The following CDK19 variants were observed in gnomAD, a reference collection of about 807,000 sequenced individuals.
CDK19 encodes cyclin dependent kinase 19, also known as cyclin-dependent kinase 19.
CDK19 carries 20 observed loss-of-function variants against 68.3 expected under a neutral mutation model. The ratio of observed to expected loss-of-function variants is 0.29; its 90% CI spans 0.21 to 0.43. The LOEUF (loss-of-function observed/expected upper bound fraction) is 0.43. Ranked by LOEUF, CDK19 falls within the 20% of genes least tolerant of loss-of-function variation. The probability of loss-of-function intolerance (pLI) is 1.00; values close to 1 mark genes in which losing one functional copy is unlikely to be tolerated. For synonymous variants in CDK19, 221 were observed against 222.8 expected (o/e 0.99, Z 0.07); for missense variants, 339 against 623.5 (o/e 0.54, Z 4.86).
At chr6:110,750,120 C>T (rs1778374956) in intron 1 of CDK19, among the ~76,000 whole-genome samples, 1 of 145,262 alleles carries the variant, frequency 6.9e-6, no homozygotes, top group South Asian at 2.4e-4. Context: ...TAAATGAAGA[C>T]CTGGAAACCT....
At chr6:110,730,644 T>C (rs1239058194) in intron 2 of CDK19, among the ~76,000 whole-genome samples, 1 of 152,230 alleles carries the variant, frequency 6.6e-6, no homozygotes, top group African/African-American at 2.4e-5. Context: ...TATTCAACAA[T>C]TCATGTATGT....
chr6:110,787,976 A>T (rs1781349050), intron 1 of CDK19, among the ~76,000 whole-genome samples: 1 of 151,786 alleles, frequency 6.6e-6, no homozygotes, highest in Non-Finnish European at 1.5e-5. Context: ...AGGAGCTGGG[A>T]TTACAGTCGT....
intron 2 of CDK19, among the ~76,000 whole-genome samples, chr6:110,726,121 T>A (rs993870385): frequency 6.6e-6 from 1 of 152,182 alleles, no homozygotes; most frequent in East Asian, 1.9e-4. Context: ...GAAAGGAAAC[T>A]ATCTTATCTG....
chr6:110,717,760 G>C (rs1283091452), intron 2 of CDK19, among the ~76,000 whole-genome samples: 1 of 152,090 alleles, frequency 6.6e-6, no homozygotes, highest in Non-Finnish European at 1.5e-5. Context: ...GGAATGCAAG[G>C]GCACGATCTT....
chr6:110,703,065 T>C (rs768057202), intron 2 of CDK19, among the ~76,000 whole-genome samples: 1 of 152,244 alleles, frequency 6.6e-6, no homozygotes, highest in Non-Finnish European at 1.5e-5. Context: ...AAAAGTCTAC[T>C]CTAAGGTATT....
chr6:110,624,224 T>G (rs1314608889), intron 8 of CDK19, among the ~76,000 whole-genome samples: 1 of 152,074 alleles, frequency 6.6e-6, no homozygotes, highest in African/African-American at 2.4e-5. Flanking sequence ...ACTCAGAGTC[T>G]ACCCTCTGGG....
intron 1 of CDK19, among the ~76,000 whole-genome samples, chr6:110,781,404 T>C (rs1446136398): frequency 3.3e-5 from 5 of 152,194 alleles, no homozygotes; most frequent in African/African-American, 1.2e-4. Flanking sequence ...TCTGCCCCCA[T>C]GACCCAAACA....
intron 2 of CDK19, among the ~76,000 whole-genome samples, chr6:110,695,158 AGAAAG>A (rs1001566837): frequency 5.3e-5 from 8 of 151,706 alleles, no homozygotes; most frequent in African/African-American, 1.9e-4. Context: ...AAAGGAAAGA[AGAAAG>A]GAAAGGAGAA....
intron 2 of CDK19, among the ~76,000 whole-genome samples, chr6:110,730,849 C>T (rs1562240569): frequency 6.6e-6 from 1 of 152,052 alleles, no homozygotes; most frequent in South Asian, 2.1e-4. Context: ...GTCATGAGTT[C>T]GAGGCCAGCC....
intron 5 of CDK19, among the ~76,000 whole-genome samples, chr6:110,635,407 T>C (rs1408340319): frequency 6.6e-6 from 1 of 152,234 alleles, no homozygotes; most frequent in Non-Finnish European, 1.5e-5. Flanking sequence ...TTATTTTGAA[T>C]AGCAAAAGAG....
At chr6:110,617,662 T>C (rs867555552) in intron 12 of CDK19, among the ~76,000 whole-genome samples, 3,373 of 106,998 alleles carry the variant, frequency 0.032, 77 homozygotes, top group Non-Finnish European at 0.04. Flanking sequence ...TATATATATA[T>C]ACACACACAC....
At chr6:110,784,231 G>A (rs1781040229) in intron 1 of CDK19, among the ~76,000 whole-genome samples, 1 of 150,004 alleles carries the variant, frequency 6.7e-6, no homozygotes, top group Non-Finnish European at 1.5e-5. Context: ...AGAAATATTT[G>A]CAAATTATAC....
At chr6:110,746,359 C>T (rs184044929) in intron 1 of CDK19, among the ~76,000 whole-genome samples, 158 bp from the exon 2 acceptor site, 14 of 152,188 alleles carry the variant, frequency 9.2e-5, no homozygotes, top group Admixed American at 8.5e-4. Context: ...ATTTCAACTA[C>T]AGAAATATGA....
At chr6:110,786,884 T>C (rs1366030863) in intron 1 of CDK19, among the ~76,000 whole-genome samples, 1 of 152,168 alleles carries the variant, frequency 6.6e-6, no homozygotes, top group East Asian at 1.9e-4. Flanking sequence ...GTTTATCTTT[T>C]CCTTCCAAGG....
chr6:110,677,987 C>G (rs948812900), intron 2 of CDK19, among the ~76,000 whole-genome samples: 148 of 152,084 alleles, frequency 9.7e-4, no homozygotes, highest in African/African-American at 3.4e-3. Flanking sequence ...GCTGAGACTA[C>G]AGCTGTGAGC....
intron 1 of CDK19, among the ~76,000 whole-genome samples, chr6:110,763,421 T>G (rs891870778): frequency 2.0e-5 from 3 of 149,222 alleles, no homozygotes; most frequent in Non-Finnish European, 3.0e-5. Flanking sequence ...TATGTTTTTT[T>G]TTTTTTTTTT....
At position 110,806,305 on chromosome 6, in the gene CDK19, A is replaced by C. The variant is rs1782677458; in HGVS notation, c.128+8704T>G. ...CGGTGAGCCAAGATCGTGCCATCAC[A>C]CAACAGCCTGGGCAAGAAGAGCGAA... On this transcript the variant is annotated intron_variant, in intron 1 of 12. Coordinates refer to ENST00000368911, the MANE Select transcript of CDK19 (RefSeq NM_015076.5). 2.0e-5 allele frequency among the ~76,000 whole-genome samples: 3 copies of C among 151,776 alleles called. No individual in the cohort carries two copies. The South Asian group carries it at 6.2e-4, about 32-fold the overall frequency.
chr6:110,809,297 T>C (rs1365839035), intron 1 of CDK19, among the ~76,000 whole-genome samples: 1 of 151,446 alleles, frequency 6.6e-6, no homozygotes, highest in Non-Finnish European at 1.5e-5. Context: ...GAAGGATCAC[T>C]GGAGCCCAGG....
At chr6:110,691,333 G>C (rs1772969316) in intron 2 of CDK19, among the ~76,000 whole-genome samples, 1 of 152,052 alleles carries the variant, frequency 6.6e-6, no homozygotes, top group South Asian at 2.1e-4. Flanking sequence ...AATTAGCCGG[G>C]TGTGGTGGCA....
Sources: allele counts gnomAD v4.1 joint callset (sites outside exome capture counted in the v4.1 genomes callset), GRCh38; gene constraint gnomAD v4.1.1; transcripts MANE v1.5; gene names NCBI Gene and HGNC (gene_info 2026-07-23, HGNC 2026-07-21).